SYTL2: variants seen among roughly 807,000 people sequenced by gnomAD.
The protein encoded by SYTL2 is synaptotagmin like 2, also known as synaptotagmin-like protein 2.
SYTL2 carries 165 observed loss-of-function variants against 198.7 expected under a neutral mutation model. That is an observed-to-expected ratio of 0.83 (90% CI 0.73 to 0.94). The LOEUF (loss-of-function observed/expected upper bound fraction) is 0.94. Ranked by LOEUF, SYTL2 falls within the 40% of genes least tolerant of loss-of-function variation. The pLI is 0.00. For missense variants in SYTL2, 2,835 were observed against 2,582.8 expected, an observed-to-expected ratio of 1.10 and a Z score of -2.12; for synonymous variants, 966 against 917.7, an observed-to-expected ratio of 1.05 and a Z score of -0.95.
In SYTL2 at chr11:85,792,533, G is replaced by C. The variant is rs114965831; in HGVS notation, c.-390+18421C>G. Among the ~76,000 whole-genome samples, 168 of 151,852 alleles carry C rather than the reference G, an allele frequency of 1.1e-3. 2 individuals carry two copies. Among genetic ancestry groups the C allele is most frequent in the African/African-American group, 3.9e-3 (162 of 41,310 alleles). ...AGCACTCCTTGGAAACAATAAACCA[G>C]TAAGTAAAAATAATTCCACAAAAGA... On this transcript the variant is annotated intron_variant, in intron 1 of 19. Transcript: ENST00000359152.
At chr11:85,783,511 T>C (rs1296353880) in intron 1 of SYTL2, among the ~76,000 whole-genome samples, 3 of 152,188 alleles carry the variant, frequency 2.0e-5, no homozygotes, top group African/African-American at 7.2e-5. Context: ...ACCCTTGTTC[T>C]TGATGGTATA....
At chr11:85,699,073 T>C (rs532488117) in intron 17 of SYTL2, among the ~76,000 whole-genome samples, 4 of 152,312 alleles carry the variant, frequency 2.6e-5, no homozygotes, top group Admixed American at 6.5e-5. Flanking sequence ...GGAACATCAT[T>C]AGATATACAG....
chr11:85,798,226 C>G (rs549380424), intron 1 of SYTL2, among the ~76,000 whole-genome samples: 1 of 152,106 alleles, frequency 6.6e-6, no homozygotes, highest in Non-Finnish European at 1.5e-5. Context: ...TTCAAACAAA[C>G]GGATCATCAC....
chr11:85,771,444 C>T (rs1338660496), intron 1 of SYTL2, among the ~76,000 whole-genome samples: 2 of 152,094 alleles, frequency 1.3e-5, no homozygotes, highest in East Asian at 1.9e-4. Context: ...AGTTACATAC[C>T]GTTAGTTTAA....
At chr11:85,829,459 G>T in the SYTL2 span, among the ~76,000 whole-genome samples, 1 of 152,290 alleles carries the variant, frequency 6.6e-6, no homozygotes, top group Non-Finnish European at 1.5e-5. Flanking sequence ...CTGTCGATGG[G>T]CACGTAGGTT....
chr11:85,830,437 C>T, the SYTL2 span, among the ~76,000 whole-genome samples: 2 of 152,210 alleles, frequency 1.3e-5, no homozygotes. Context: ...CATTGAAAAT[C>T]TGTCACATCA....
rs753002426 is a variant in SYTL2, at chr11:85,806,677, G to C, written c.-390+4277C>G. 2.6e-5 allele frequency among the ~76,000 whole-genome samples: 4 copies of C among 152,298 alleles called. No homozygotes were observed. In the South Asian group the frequency reaches 6.2e-4, roughly 24 times the overall value. ...GGCCCTTAGAAAATCAGGAGGAGGC[G>C]TCAAAAGCTTGAAGCAACAGAAAGT... On this transcript the variant is annotated intron_variant, in intron 1 of 19. Transcript: ENST00000359152.
intron 1 of SYTL2, among the ~76,000 whole-genome samples, chr11:85,792,140 A>G (rs1207202620): frequency 1.3e-5 from 2 of 152,004 alleles, no homozygotes; most frequent in Non-Finnish European, 2.9e-5. Context: ...GGGAAAGCCT[A>G]TTGCTCTGTA....
At chr11:85,829,690 T>C in the SYTL2 span, among the ~76,000 whole-genome samples, 3 of 152,214 alleles carry the variant, frequency 2.0e-5, no homozygotes, top group Non-Finnish European at 2.9e-5. Flanking sequence ...GTGTTTCCTT[T>C]TCTCCACAGC....
the SYTL2 span, among the ~76,000 whole-genome samples, chr11:85,851,286 A>C: frequency 6.6e-6 from 1 of 152,260 alleles, no homozygotes; most frequent in Non-Finnish European, 1.5e-5. Context: ...GTTGTAGCAA[A>C]AATTTTCTAT....
intron 10 of SYTL2, 60 bp downstream of exon 10, chr11:85,718,730 G>A (rs1033986586): frequency 2.0e-6 from 3 of 1,538,170 alleles, no homozygotes; most frequent in Non-Finnish European, 2.7e-6. Context: ...CCCGGAGACT[G>A]CCCAAATCAC....
At chr11:85,817,328 G>A in the SYTL2 span, among the ~76,000 whole-genome samples, 1 of 152,204 alleles carries the variant, frequency 6.6e-6, no homozygotes, top group African/African-American at 2.4e-5. Context: ...CACAGCCTGT[G>A]CTGTTTAAAA....
intron 1 of SYTL2, among the ~76,000 whole-genome samples, chr11:85,760,967 TGC>T (rs1249236380): frequency 6.6e-6 from 1 of 152,098 alleles, no homozygotes; most frequent in African/African-American, 2.4e-5. Flanking sequence ...CAGTATGAGG[TGC>T]TCACCCAACT....
intron 1 of SYTL2, among the ~76,000 whole-genome samples, chr11:85,791,052 G>A (rs10898406): frequency 0.41 from 61,934 of 150,148 alleles, 13,761 homozygotes; most frequent in African/African-American, 0.58. Context: ...CTGTAATCCC[G>A]GCTACTTGGG....
rs565828915 is a variant in SYTL2, at chr11:85,705,205, A to T, written c.6019-177T>A. Reference sequence around the variant, plus strand: ...AAGCATCTTGTTTCAAAGAGCTAAAATCCATCTTTCATAAAAGCTGATTTG... The same window carrying T: ...AAGCATCTTGTTTCAAAGAGCTAAATTCCATCTTTCATAAAAGCTGATTTG... On this transcript the variant is annotated intron_variant, in intron 15 of 19. Coordinates refer to ENST00000359152, the MANE Select transcript of SYTL2 (RefSeq NM_206927.4). 4 of 489,600 alleles carry T rather than the reference A, an allele frequency of 8.2e-6. No individual in the cohort carries two copies. The South Asian group carries it at 1.7e-4, about 21-fold the overall frequency. 30.3% of individuals were successfully genotyped at this position (489,600 alleles called of 1,614,324 possible).
intron 1 of SYTL2, among the ~76,000 whole-genome samples, chr11:85,777,609 A>G (rs968507423): frequency 3.3e-5 from 5 of 151,948 alleles, no homozygotes; most frequent in Non-Finnish European, 7.4e-5. Context: ...GGCTCTGTAC[A>G]CTAAAAGAAT....
chr11:85,695,024 C>A lies in SYTL2; in HGVS notation c.*171G>T. On this transcript the variant is annotated 3_prime_UTR_variant, in exon 20 of 20. Transcript: ENST00000359152. ...TTACACATTTTGTTATATTTAAATC[C>A]CTTGGGCCTTGTAATCAAAGAAGCA... 2 of 516,990 alleles carry A rather than the reference C, an allele frequency of 3.9e-6. No individual in the cohort carries two copies. Among genetic ancestry groups the A allele is most frequent in the South Asian group, 4.2e-5 (1 of 23,800 alleles). 32.0% of individuals were successfully genotyped at this position (516,990 alleles called of 1,614,324 possible).
At chr11:85,832,089 T>C in the SYTL2 span, among the ~76,000 whole-genome samples, 4 of 152,174 alleles carry the variant, frequency 2.6e-5, no homozygotes, top group African/African-American at 9.7e-5. Context: ...TACAGGAGTA[T>C]GCTGAAATTG....
chr11:85,800,797 C>T (rs908079026), intron 1 of SYTL2, among the ~76,000 whole-genome samples: 24 of 152,162 alleles, frequency 1.6e-4, no homozygotes, highest in African/African-American at 5.1e-4. Context: ...AGAATCTGAC[C>T]GGTAGAGCCA....
Sources: gnomAD v4.1 joint callset for allele counts (sites outside exome capture counted in the v4.1 genomes callset) on GRCh38, gnomAD v4.1.1 for gene constraint, MANE v1.5 for transcripts, NCBI Gene and HGNC (gene_info 2026-07-23, HGNC 2026-07-21) for gene names.